SH3GL3: variants seen among roughly 807,000 people sequenced by gnomAD.
SH3GL3 encodes SH3 domain containing GRB2 like 3, endophilin A3, also known as endophilin-A3.
SH3GL3 carries 33 observed loss-of-function variants against 47.7 expected under a neutral mutation model. The observed-to-expected ratio is 0.69, with a 90% CI of 0.52 to 0.92. The LOEUF is 0.92. Ranked by LOEUF, SH3GL3 falls within the 40% of genes least tolerant of loss-of-function variation. The probability of loss-of-function intolerance (pLI) is 0.00; values close to 1 mark genes in which losing one functional copy is unlikely to be tolerated. For synonymous variants in SH3GL3, 155 were observed against 148.8 expected (o/e 1.04, Z -0.30); for missense variants, 363 against 417.8 (o/e 0.87, Z 1.14).
At chr15:83,508,218 G>A (rs965366698) in intron 1 of SH3GL3, among the ~76,000 whole-genome samples, 11 of 152,128 alleles carry the variant, frequency 7.2e-5, no homozygotes, top group Admixed American at 5.9e-4. Context: ...GGGATTACAG[G>A]CTTGAGCCAC....
chr15:83,450,529 C>A lies in SH3GL3; in HGVS notation c.45+2951C>A, dbSNP rs569898417. Among the ~76,000 whole-genome samples the A allele has an allele frequency of 5.3e-5, 8 of 152,142 alleles. No homozygotes were observed. In the East Asian group the frequency reaches 1.5e-3, roughly 29 times the overall value. On this transcript the variant is annotated intron_variant, in intron 1 of 8. Coordinates refer to ENST00000427482, the MANE Select transcript of SH3GL3 (RefSeq NM_003027.5). Reference sequence around the variant, plus strand: ...TACCTTCCCTATCTCTGGGAAAAAACCCCTACTTTACAGAGAATGAAGACT... The same window carrying A: ...TACCTTCCCTATCTCTGGGAAAAAAACCCTACTTTACAGAGAATGAAGACT...
intron 1 of SH3GL3, among the ~76,000 whole-genome samples, chr15:83,558,222 G>C (rs1182689950): frequency 7.9e-5 from 12 of 152,072 alleles, no homozygotes; most frequent in Non-Finnish European, 1.5e-4. Context: ...CAACCCTACT[G>C]GTGCCAGACT....
At chr15:83,629,840 A>T in the SH3GL3 span, among the ~76,000 whole-genome samples, 1 of 152,172 alleles carries the variant, frequency 6.6e-6, no homozygotes, top group Non-Finnish European at 1.5e-5. Context: ...ATAAATAAAT[A>T]AAGTACCATA....
chr15:83,568,076 G>A (rs1440341403), intron 3 of SH3GL3, among the ~76,000 whole-genome samples: 12 of 150,672 alleles, frequency 8.0e-5, no homozygotes, highest in South Asian at 2.1e-4. Flanking sequence ...TCCGCCTCCC[G>A]GGTTCAAGCA....
At chr15:83,463,483 G>T (rs1325148503) in intron 1 of SH3GL3, among the ~76,000 whole-genome samples, 1 of 152,138 alleles carries the variant, frequency 6.6e-6, no homozygotes, top group Non-Finnish European at 1.5e-5. Context: ...TTACATTATA[G>T]TAAGGTTATA....
chr15:83,575,550 G>C (rs1449735254), intron 5 of SH3GL3, among the ~76,000 whole-genome samples: 3 of 152,202 alleles, frequency 2.0e-5, no homozygotes, highest in African/African-American at 7.2e-5. Context: ...GTGTCGCTCA[G>C]AAATCAGGGG....
the SH3GL3 span, among the ~76,000 whole-genome samples, chr15:83,625,457 A>T: frequency 8.3e-4 from 127 of 152,242 alleles, 3 homozygotes; most frequent in African/African-American, 2.9e-3. Context: ...CTGTGGCCCT[A>T]CCCCACTGGC....
intron 1 of SH3GL3, among the ~76,000 whole-genome samples, chr15:83,466,739 C>A (rs1452761616): frequency 1.3e-5 from 2 of 152,122 alleles, no homozygotes; most frequent in African/African-American, 4.8e-5. Context: ...TTAATTTTAG[C>A]CTTTCTGTTA....
At chr15:83,583,722 G>A (rs774634065) in intron 6 of SH3GL3, among the ~76,000 whole-genome samples, 6 of 152,204 alleles carry the variant, frequency 3.9e-5, no homozygotes, top group Non-Finnish European at 8.8e-5. Context: ...CTTGTGGATT[G>A]TTTATTGTGT....
chr15:83,607,286 G>A (rs766977470), intron 8 of SH3GL3, among the ~76,000 whole-genome samples: 2 of 152,066 alleles, frequency 1.3e-5, no homozygotes, highest in African/African-American at 4.8e-5. Context: ...TAAAAAATAC[G>A]GTAGAAGTCA....
intron 1 of SH3GL3, among the ~76,000 whole-genome samples, chr15:83,517,556 C>T (rs1231651823): frequency 1.3e-5 from 2 of 152,098 alleles, no homozygotes; most frequent in South Asian, 4.1e-4. Context: ...AGGTTGAGAA[C>T]CTTTTCGTAT....
chr15:83,604,007 G>A (rs1195391651), intron 8 of SH3GL3, among the ~76,000 whole-genome samples: 8 of 152,134 alleles, frequency 5.3e-5, no homozygotes, highest in Admixed American at 5.2e-4. Context: ...GGTGGCGCAT[G>A]CCTGTAATCC....
At chr15:83,462,490 G>A (rs2040351613) in intron 1 of SH3GL3, among the ~76,000 whole-genome samples, 1 of 152,168 alleles carries the variant, frequency 6.6e-6, no homozygotes, top group African/African-American at 2.4e-5. Context: ...AGTTAGCACT[G>A]TCTGCTTTAA....
At chr15:83,470,690 C>G (rs1567245729) in intron 1 of SH3GL3, among the ~76,000 whole-genome samples, 1 of 152,088 alleles carries the variant, frequency 6.6e-6, no homozygotes, top group Admixed American at 6.5e-5. Flanking sequence ...TTGTTTGTTA[C>G]TCTGTTTTTA....
chr15:83,612,432 C>T (rs1016951850), intron 8 of SH3GL3, among the ~76,000 whole-genome samples: 1 of 152,234 alleles, frequency 6.6e-6, no homozygotes, highest in Non-Finnish European at 1.5e-5. Flanking sequence ...TCACTGCCCC[C>T]AGGCAGCCTC....
intron 1 of SH3GL3, among the ~76,000 whole-genome samples, chr15:83,484,620 C>T (rs1448381525): frequency 6.6e-6 from 1 of 151,732 alleles, no homozygotes. Flanking sequence ...CTTCTATTTC[C>T]TGAGACATTT....
intron 5 of SH3GL3, among the ~76,000 whole-genome samples, chr15:83,573,905 T>C (rs1213249307): frequency 2.0e-5 from 3 of 152,210 alleles, no homozygotes; most frequent in African/African-American, 7.2e-5. Context: ...AGTAAACAGA[T>C]ACCATGCACT....
At chr15:83,543,677 A>C (rs1317901722) in intron 1 of SH3GL3, among the ~76,000 whole-genome samples, 1 of 151,958 alleles carries the variant, frequency 6.6e-6, no homozygotes, top group Non-Finnish European at 1.5e-5. Flanking sequence ...AGATCAAATG[A>C]GAGGTTTGAT....
chr15:83,528,593 C>T (rs2043527044), intron 1 of SH3GL3, among the ~76,000 whole-genome samples: 1 of 152,002 alleles, frequency 6.6e-6, no homozygotes, highest in African/African-American at 2.4e-5. Context: ...ATTGTTGAAC[C>T]TCTTGAATAA....
Sources: allele counts gnomAD v4.1 joint callset (sites outside exome capture counted in the v4.1 genomes callset), GRCh38; gene constraint gnomAD v4.1.1; transcripts MANE v1.5; gene names NCBI Gene and HGNC (gene_info 2026-07-23, HGNC 2026-07-21).